CNTN5: variants seen among roughly 807,000 people sequenced by gnomAD.
CNTN5 encodes the protein contactin 5.
In CNTN5, 77 loss-of-function variants were observed where a neutral mutation model predicts 129.1. The observed-to-expected ratio is 0.60, with a 90% confidence interval of 0.50 to 0.72. The LOEUF (loss-of-function observed/expected upper bound fraction) is 0.72, where lower values mean the gene tolerates loss of function less well. CNTN5 is among the 30% of genes least tolerant of loss of function. The probability of loss-of-function intolerance (pLI) is 0.00; values close to 1 mark genes in which losing one functional copy is unlikely to be tolerated. For synonymous variants in CNTN5, 509 were observed against 465.6 expected, an observed-to-expected ratio of 1.09 and a Z score of -1.20; for missense variants, 1,478 against 1,328.8, an observed-to-expected ratio of 1.11 and a Z score of -1.75.
chr11:99,732,806 A>G (rs750939823), intron 3 of CNTN5, among the ~76,000 whole-genome samples: 1 of 152,052 alleles, frequency 6.6e-6, no homozygotes, highest in Non-Finnish European at 1.5e-5. Flanking sequence ...GAGGAATAGT[A>G]TGAAAGATTA....
rs116366164 is a variant in CNTN5, at chr11:99,404,044, G to A, written c.-71+78560G>A. Among the ~76,000 whole-genome samples, 9 of 151,974 alleles carry A rather than the reference G, an allele frequency of 5.9e-5. No homozygotes were observed. In the East Asian group the frequency reaches 1.7e-3, roughly 29 times the overall value. ...TATATACCTGGGTGCTCTAGTATCG[G>A]GTGCATATATATTTAAAATTTTTAT... On this transcript the variant is annotated intron_variant, in intron 2 of 24. Transcript: ENST00000524871.
intron 1 of CNTN5, among the ~76,000 whole-genome samples, chr11:99,157,023 A>G (rs756310827): frequency 1.1e-4 from 17 of 152,056 alleles, no homozygotes; most frequent in Non-Finnish European, 1.5e-4. Context: ...TTCTAAAACA[A>G]AAATAATAAA....
intron 9 of CNTN5, among the ~76,000 whole-genome samples, chr11:100,058,211 A>T (rs1460626917): frequency 2.0e-5 from 3 of 152,122 alleles, no homozygotes; most frequent in Admixed American, 2.0e-4. Flanking sequence ...TTTAAACAAT[A>T]CAATCAAGGA....
chr11:99,166,966 C>T (rs992639040), intron 1 of CNTN5, among the ~76,000 whole-genome samples: 34 of 152,098 alleles, frequency 2.2e-4, no homozygotes, highest in African/African-American at 8.2e-4. Flanking sequence ...TTGTAAAGCG[C>T]AAGTGAATAC....
At chr11:100,060,007 G>A (rs917814130) in intron 9 of CNTN5, among the ~76,000 whole-genome samples, 3 of 151,948 alleles carry the variant, frequency 2.0e-5, no homozygotes, top group South Asian at 2.1e-4. Flanking sequence ...TCAGGAGTTC[G>A]AAAACAGCCT....
At chr11:99,097,802 A>G (rs967021989) in intron 1 of CNTN5, among the ~76,000 whole-genome samples, 2 of 152,022 alleles carry the variant, frequency 1.3e-5, no homozygotes, top group African/African-American at 2.4e-5. Flanking sequence ...AAAACAATTT[A>G]TACTTTAAGT....
chr11:99,192,098 G>A (rs1858674000), intron 1 of CNTN5, among the ~76,000 whole-genome samples: 1 of 151,340 alleles, frequency 6.6e-6, no homozygotes, highest in Non-Finnish European at 1.5e-5. Context: ...ATGAAGAAAC[G>A]TCATTTGTAA....
chr11:100,293,944 C>T (rs1219289200), intron 18 of CNTN5, among the ~76,000 whole-genome samples: 1 of 151,604 alleles, frequency 6.6e-6, no homozygotes, highest in African/African-American at 2.4e-5. Context: ...TTTTCCTGTG[C>T]TACATACTTC....
chr11:99,719,870 A>G (rs1943108347), intron 3 of CNTN5, among the ~76,000 whole-genome samples: 1 of 152,172 alleles, frequency 6.6e-6, no homozygotes, highest in Admixed American at 6.5e-5. Context: ...CTACAGAAAT[A>G]AAAGCACCCA....
At chr11:100,065,890 G>C (rs546254619) in intron 10 of CNTN5, among the ~76,000 whole-genome samples, 4 of 151,828 alleles carry the variant, frequency 2.6e-5, no homozygotes, top group Non-Finnish European at 5.9e-5. Flanking sequence ...TGTACGTTAG[G>C]TCTGATCTTT....
intron 13 of CNTN5, among the ~76,000 whole-genome samples, chr11:100,112,618 CA>C (rs1373989081): frequency 6.6e-6 from 1 of 152,032 alleles, no homozygotes; most frequent in Non-Finnish European, 1.5e-5. Context: ...GAAACATAGG[CA>C]GCCATGTTTC....
chr11:99,108,474 A>C (rs1857625142), intron 1 of CNTN5, among the ~76,000 whole-genome samples: 1 of 152,080 alleles, frequency 6.6e-6, no homozygotes, highest in Non-Finnish European at 1.5e-5. Flanking sequence ...AACATAAGAG[A>C]GAGTTATTGG....
At chr11:99,035,372 T>C (rs985811051) in intron 1 of CNTN5, among the ~76,000 whole-genome samples, 5 of 152,154 alleles carry the variant, frequency 3.3e-5, no homozygotes, top group African/African-American at 1.2e-4. Context: ...CAGTGGGGTG[T>C]TAAAGTCTCC....
chr11:99,038,265 T>G (rs1863840122), intron 1 of CNTN5, among the ~76,000 whole-genome samples: 1 of 152,292 alleles, frequency 6.6e-6, no homozygotes, highest in East Asian at 1.9e-4. Flanking sequence ...AAAGAAATTA[T>G]GATAAAAGTT....
At chr11:99,355,720 T>G (rs1270172492) in intron 2 of CNTN5, among the ~76,000 whole-genome samples, 2 of 152,150 alleles carry the variant, frequency 1.3e-5, no homozygotes, top group Non-Finnish European at 2.9e-5. Flanking sequence ...AAGTCTCCTA[T>G]GTTATGGGTG....
At chr11:99,410,037 G>T (rs1442126926) in intron 2 of CNTN5, among the ~76,000 whole-genome samples, 1 of 152,100 alleles carries the variant, frequency 6.6e-6, no homozygotes, top group Non-Finnish European at 1.5e-5. Flanking sequence ...AAGGTGTTTT[G>T]CCAGGGATAT....
At chr11:99,429,981 G>C (rs1002480415) in intron 2 of CNTN5, among the ~76,000 whole-genome samples, 1 of 151,856 alleles carries the variant, frequency 6.6e-6, no homozygotes, top group East Asian at 1.9e-4. Context: ...ACCCTCAAAA[G>C]CTAAGAATAT....
Position 100,192,820 on chromosome 11 carries a change from C to T in CNTN5, c.1709-668C>T, listed in dbSNP as rs1372567094. Among the ~76,000 whole-genome samples, 3 of 152,018 alleles carry T rather than the reference C, an allele frequency of 2.0e-5. No homozygotes were observed. The South Asian group carries it at 6.2e-4, about 32-fold the overall frequency. ...AGGAGTTAAACATAAACATTGTTTT[C>T]TAAAAACATTTCCATTCAGTGTTTC... is the stretch of plus-strand genomic sequence containing the variant. On this transcript the variant is annotated intron_variant, in intron 14 of 24. Coordinates refer to ENST00000524871, the MANE Select transcript of CNTN5 (RefSeq NM_014361.4).
At chr11:99,572,348 C>T (rs1057150736) in intron 3 of CNTN5, among the ~76,000 whole-genome samples, 4 of 152,280 alleles carry the variant, frequency 2.6e-5, no homozygotes, top group Middle Eastern at 3.4e-3. Flanking sequence ...TTATGTTGGG[C>T]TGCATTTAAA....
Sources: allele counts gnomAD v4.1 joint callset (sites outside exome capture counted in the v4.1 genomes callset), GRCh38; gene constraint gnomAD v4.1.1; transcripts MANE v1.5; gene names NCBI Gene and HGNC (gene_info 2026-07-23, HGNC 2026-07-21).